QRICH2: variants seen among roughly 807,000 people sequenced by gnomAD.
The protein encoded by QRICH2 is glutamine-rich protein 2.
Under a neutral mutation model 168.3 loss-of-function variants are expected in QRICH2, and 119 were observed. The ratio of observed to expected loss-of-function variants is 0.71; its 90% CI spans 0.61 to 0.82. The LOEUF is 0.82. Among genes scored for constraint, QRICH2 ranks in the 40% least tolerant of loss-of-function variants. The pLI, the probability that QRICH2 is intolerant of heterozygous loss-of-function variation, is 0.00. For synonymous variants in QRICH2, 894 were observed against 951.2 expected (o/e 0.94, Z 1.11); for missense variants, 2,241 against 2,491.6 (o/e 0.90, Z 2.14).
chr17:76,285,685 C>A lies in QRICH2; in HGVS notation c.4011+1507G>T, dbSNP rs769832241. Among the ~76,000 whole-genome samples, 180 of 151,626 alleles carry A rather than the reference C, an allele frequency of 1.2e-3. 1 individual carries two copies. Among genetic ancestry groups the A allele is most frequent in the Non-Finnish European group, 5.3e-4 (36 of 67,856 alleles). The stretch of plus-strand genomic sequence containing the variant: ...CCAACATGGTGAAACCCCATTCTCT[C>A]CTAAAAATACAAAATTACCTGGGCA... On this transcript the variant is annotated intron_variant, in intron 7 of 18. Coordinates refer to ENST00000680821, the MANE Select transcript of QRICH2 (RefSeq NM_001388453.1).
In QRICH2 at chr17:76,279,120, C is replaced by T. The variant is rs2070741820; in HGVS notation, c.4837G>A (p.Gly1613Ser). Residue 1613 changes from glycine (G) to serine (S), a missense_variant, in exon 14 of 19, where the codon GGT (glycine) becomes AGT (serine). Around this residue, in one of 3 missense-constraint regions of QRICH2, gnomAD observed 2,047 missense variants for 2,303.8 expected, o/e 0.89. Transcript: ENST00000680821. ...TGHAIPVTPA[G>S]PGLPGHHSIR... ...GAATGGTGCCCAGGTAGGCCTGGAC[C>T]CGCGGGGGTCACGGGGATGGCACTG... The T allele has an allele frequency of 3.1e-6, 5 of 1,613,324 alleles. 1 individual carries two copies. In the South Asian group the frequency reaches 3.3e-5, roughly 11 times the overall value.
In QRICH2 at chr17:76,280,419, C is replaced by T. The variant is rs2070765705; in HGVS notation, c.4494G>A (p.Val1498=). The part of the protein sequence containing the change: ...KADKSALATK[V]SRVQFDATTE... ...TGGTGGCATCAAACTGGACACGGCT[C>T]ACTTTGGTGGCCAGAGCACTCTTGT... The change falls in exon 11 of 19, where the codon GTG becomes GTA. Residue 1498 remains valine, a synonymous_variant. Transcript: ENST00000680821. This position sits in a 1 kb window ranked among gnomAD's most constrained non-coding sequence, Gnocchi z 7.4. The T allele has an allele frequency of 1.2e-6, 2 of 1,614,178 alleles. No individual in the cohort carries two copies. Among genetic ancestry groups the T allele is most frequent in the East Asian group, 2.2e-5 (1 of 44,890 alleles).
At position 76,274,223 on chromosome 17, in the gene QRICH2, C is replaced by T; in HGVS notation, c.5520G>A (p.Glu1840=). ...SRQQKDRPSS[E]GRLSQPNTAH... ...CTGTGTTCGGCTGGGAGAGACGGCC[C>T]TCGGAGGAAGGTCTATCTTTCTGTT... Residue 1840 remains glutamate (E), a synonymous_variant, in exon 19 of 19, where the codon GAG becomes GAA. Transcript: ENST00000680821. The T allele has an allele frequency of 1.3e-6, 2 of 1,598,198 alleles. No homozygotes were observed. The highest frequency in any genetic ancestry group is 1.1e-5 in the South Asian group (1 of 88,868).
chr17:76,284,168 C>CAAAAA (rs61553346), intron 7 of QRICH2, among the ~76,000 whole-genome samples: 16 of 62,748 alleles, frequency 2.5e-4, no homozygotes, highest in Admixed American at 5.4e-4. Context: ...ACTCTGTCTC[C>CAAAAA]AAAAAAAAAA....
rs912851206 is a variant in QRICH2 at position 76,281,123 on chromosome 17, G to A, written c.4264-170C>T. Among the ~76,000 whole-genome samples, 1 of 152,192 alleles carries A rather than the reference G, an allele frequency of 6.6e-6. No homozygotes were observed. Among genetic ancestry groups the A allele is most frequent in the Non-Finnish European group, 1.5e-5 (1 of 68,032 alleles). ...TTTGGGAAGCTGAGGTGAGGCGAGA[G>A]GATCACTTGAGCCCAGGAGTTCAAG... is the stretch of plus-strand genomic sequence containing the variant. On this transcript the variant is annotated intron_variant, in intron 8 of 18. Transcript: ENST00000680821. The surrounding 1 kb of genome is among the most constrained non-coding windows in gnomAD (Gnocchi z 4.4).
Position 76,304,768 on chromosome 17 carries a change from G to A in QRICH2, c.594+114C>T, listed in dbSNP as rs2143401714. ...CTCCAACCCTGGGGCAGAGACTTGA[G>A]AGGCAGAGGGCACACACTGCCTGCC... On this transcript the variant is annotated intron_variant, in intron 2 of 18. Transcript: ENST00000680821. 3.6e-6 allele frequency: 3 copies of A among 837,214 alleles called. No individual in the cohort carries two copies. In the East Asian group the frequency reaches 7.3e-5, roughly 20 times the overall value. 51.9% of individuals were successfully genotyped at this position (837,214 alleles called of 1,614,324 possible). A position where few individuals can be genotyped will look rare whatever the true frequency, so the allele number is the denominator to read the frequency against.
upstream of QRICH2, chr17:76,309,990 CT>C (rs202223634): frequency 1.5e-3 from 220 of 144,420 alleles, no homozygotes; most frequent in Non-Finnish European, 1.7e-3. Flanking sequence ...TCTTTGCAGT[CT>C]TTTTTTTTTT....
intron 7 of QRICH2, among the ~76,000 whole-genome samples, chr17:76,286,191 T>A (rs1432820465): frequency 1.3e-5 from 2 of 149,664 alleles, no homozygotes; most frequent in African/African-American, 2.5e-5. Flanking sequence ...AAAAAATGTA[T>A]ACATGAATGT....
chr17:76,303,399 A>G (rs2143392998), intron 3 of QRICH2, among the ~76,000 whole-genome samples: 2 of 152,310 alleles, frequency 1.3e-5, no homozygotes, highest in South Asian at 4.1e-4. Context: ...ATAACCCACT[A>G]GCCCAAAGCC....
chr17:76,285,895 A>G lies in QRICH2; in HGVS notation c.4011+1297T>C, dbSNP rs576473567. On this transcript the variant is annotated intron_variant, in intron 7 of 18. Transcript: ENST00000680821. Reference sequence around the variant, plus strand: ...AACAAAAAAACAACTTATTATGGCCAGGTGCGGTGGCTCACGCCTATAATC... The same window carrying G: ...AACAAAAAAACAACTTATTATGGCCGGGTGCGGTGGCTCACGCCTATAATC... Among the ~76,000 whole-genome samples, 25 of 151,826 alleles carry G rather than the reference A, an allele frequency of 1.6e-4. 1 individual carries two copies. In the South Asian group the frequency reaches 1.7e-3, roughly 10 times the overall value.
At chr17:76,282,177 A>C in intron 7 of QRICH2, 62 bp from the exon 8 acceptor site, 1 of 1,532,356 alleles carries the variant, frequency 6.5e-7, no homozygotes, top group South Asian at 1.3e-5. Context: ...CGCTCTGCCC[A>C]TGCTGGCACT....
chr17:76,293,377 T>C lies in QRICH2; in HGVS notation c.1350A>G (p.Arg450=). The C allele has an allele frequency of 6.2e-7, 1 of 1,614,252 alleles. No individual in the cohort carries two copies. The highest frequency in any genetic ancestry group is 1.1e-5 in the South Asian group (1 of 91,082). Residue 450 remains arginine, a synonymous_variant, in exon 4 of 19, where the codon AGA becomes AGG. Transcript: ENST00000680821. ...TAGGTAGTTCCAATCCTTGCTGGTCTCTGCCAGGTACTGATGGTGGCAACA... is the reference window on the plus strand; with the variant it reads ...TAGGTAGTTCCAATCCTTGCTGGTCCCTGCCAGGTACTGATGGTGGCAACA... ...QRMLPPSVPG[R]DQQGLELPST...
intron 7 of QRICH2, among the ~76,000 whole-genome samples, chr17:76,282,731 G>C (rs1371539266): frequency 6.6e-6 from 1 of 152,176 alleles, no homozygotes; most frequent in East Asian, 1.9e-4. Flanking sequence ...CACCCCAAAT[G>C]AGAGTTCCCA....
chr17:76,300,028 C>T (rs778189659), intron 3 of QRICH2, among the ~76,000 whole-genome samples: 14 of 151,992 alleles, frequency 9.2e-5, no homozygotes, highest in Non-Finnish European at 1.5e-4. Context: ...GACGGGGTTT[C>T]ACCATGTTGG....
intron 1 of QRICH2, among the ~76,000 whole-genome samples, chr17:76,306,123 T>C (rs2143410487): frequency 8.1e-6 from 1 of 123,696 alleles, no homozygotes; most frequent in African/African-American, 3.1e-5. Flanking sequence ...GAGCCGACAA[T>C]GCACCACTGC....
chr17:76,275,759 AG>A, intron 18 of QRICH2, 59 bp downstream of exon 18: 2 of 1,576,912 alleles, frequency 1.3e-6, no homozygotes, highest in Non-Finnish European at 8.6e-7. Flanking sequence ...TGAGCAGGAA[AG>A]GGGGCCGGCA....
chr17:76,276,628 A>G (rs578153022), intron 17 of QRICH2, 52 bp downstream of exon 17: 2 of 1,411,496 alleles, frequency 1.4e-6, no homozygotes, highest in East Asian at 2.3e-5. Context: ...CAATGGATGC[A>G]CGCCCTGTGG....
chr17:76,285,968 T>C lies in QRICH2; in HGVS notation c.4011+1224A>G, dbSNP rs557932118. Among the ~76,000 whole-genome samples, 599 of 151,784 alleles carry C rather than the reference T, an allele frequency of 3.9e-3. 3 individuals carry two copies. Among genetic ancestry groups the C allele is most frequent in the Non-Finnish European group, 6.5e-3 (441 of 67,738 alleles). On this transcript the variant is annotated intron_variant, in intron 7 of 18. Coordinates refer to ENST00000680821, the MANE Select transcript of QRICH2 (RefSeq NM_001388453.1). ...CGGGCAGATCACAAGGTCAGGAGATTGAGACCATCCTGGCTAACACAGTGA... is the reference window on the plus strand; with the variant it reads ...CGGGCAGATCACAAGGTCAGGAGATCGAGACCATCCTGGCTAACACAGTGA...
chr17:76,278,134 C>T lies in QRICH2; in HGVS notation c.4972G>A (p.Val1658Met), dbSNP rs371173989. ...RGDLAQMEQS[V>M]GRLRSMHSKM... The stretch of plus-strand genomic sequence containing the variant: ...GAGTGCATGGAGCGCAGGCGCCCCA[C>T]GCTCTGCTCCATCTGCGCCAGGTCA... The change falls in exon 15 of 19, where the codon GTG becomes ATG. Residue 1658 changes from valine to methionine, a missense_variant. Physicochemically the swap from Val to Met is conservative, Grantham distance 21 (BLOSUM62 1). Around this residue, in one of 3 missense-constraint regions of QRICH2, gnomAD observed 2,047 missense variants for 2,303.8 expected, o/e 0.89. Transcript: ENST00000680821. 9.9e-6 allele frequency: 16 copies of T among 1,612,526 alleles called. No individual in the cohort carries two copies. Among genetic ancestry groups the T allele is most frequent in the East Asian group, 2.2e-5 (1 of 44,896 alleles).
Sources: gnomAD v4.1 joint callset for allele counts (sites outside exome capture counted in the v4.1 genomes callset) on GRCh38, gnomAD v4.1.1 for gene constraint, gnomAD v4.1.1 regional missense constraint, Gnocchi (gnomAD v3.1) non-coding constraint, MANE v1.5 for transcripts, NCBI Gene and HGNC (gene_info 2026-07-23, HGNC 2026-07-21) for gene names.